The following ARHGEF28 variants were observed in gnomAD, a reference collection of about 807,000 sequenced individuals.
ARHGEF28 encodes 190 kDa guanine nucleotide exchange factor.
Under a neutral mutation model 206.6 loss-of-function variants are expected in ARHGEF28, and 152 were observed. That is an observed-to-expected ratio of 0.74 (90% CI 0.64 to 0.84). The LOEUF (loss-of-function observed/expected upper bound fraction) is 0.84. ARHGEF28 is among the 40% of genes least tolerant of loss of function. The pLI is 0.00. For synonymous variants in ARHGEF28, 763 were observed against 776.4 expected (o/e 0.98, Z 0.29); for missense variants, 2,028 against 2,073.2 (o/e 0.98, Z 0.42).
At chr5:73,741,385 GTATATATATATATATATATA>G (rs67973637) in intron 2 of ARHGEF28, among the ~76,000 whole-genome samples, 219 of 21,768 alleles carry the variant, frequency 0.01, 3 homozygotes, top group East Asian at 0.018. Context: ...GTGTGTGTGT[GTATATATATATATATATATA>G]TATATATATA....
Position 73,641,264 on chromosome 5 carries a change from C to T in ARHGEF28, c.-12+14942C>T, listed in dbSNP as rs559986041. ...TATTGGTTTAAATGGTTTGTAAATG[C>T]TTGCCTTCCTCTTCCATGAGGAAAG... On this transcript the variant is annotated intron_variant, in intron 1 of 35. Transcript: ENST00000513042. Among the ~76,000 whole-genome samples, 39 of 152,302 alleles carry T rather than the reference C, an allele frequency of 2.6e-4. No homozygotes were observed. The Middle Eastern group carries it at 0.014, about 53-fold the overall frequency.
intron 10 of ARHGEF28, among the ~76,000 whole-genome samples, 164 bp downstream of exon 10, chr5:73,832,623 CT>C (rs1757366861): frequency 6.6e-6 from 1 of 152,158 alleles, no homozygotes; most frequent in African/African-American, 2.4e-5. Flanking sequence ...AAGCATTTAA[CT>C]TAGGTGCTTA....
intron 9 of ARHGEF28, among the ~76,000 whole-genome samples, chr5:73,830,384 T>A (rs2112556633): frequency 6.6e-6 from 1 of 151,936 alleles, no homozygotes; most frequent in East Asian, 1.9e-4. Flanking sequence ...AAACCCCGTC[T>A]CTACTGAAAA....
intron 16 of ARHGEF28, among the ~76,000 whole-genome samples, chr5:73,862,192 A>G (rs374057882): frequency 6.6e-6 from 1 of 152,162 alleles, no homozygotes; most frequent in Non-Finnish European, 1.5e-5. Flanking sequence ...TTGATGTTAC[A>G]TTATCTGTTA....
At chr5:73,844,805 A>G (rs1758213534) in intron 11 of ARHGEF28, among the ~76,000 whole-genome samples, 1 of 150,234 alleles carries the variant, frequency 6.7e-6, no homozygotes, top group Non-Finnish European at 1.5e-5. Flanking sequence ...CACATTTGAA[A>G]TGCTTCGTGC....
intron 26 of ARHGEF28, among the ~76,000 whole-genome samples, chr5:73,890,262 C>T (rs1761545639): frequency 6.6e-6 from 1 of 152,216 alleles, no homozygotes. Flanking sequence ...TGCCACCTCC[C>T]CTCCCCTGCA....
intron 24 of ARHGEF28, among the ~76,000 whole-genome samples, chr5:73,885,449 G>A (rs891691653): frequency 1.3e-5 from 2 of 151,332 alleles, no homozygotes; most frequent in Admixed American, 6.6e-5. Flanking sequence ...TGGGGGGGTG[G>A]TACAGAGTGG....
At chr5:73,668,062 C>T (rs540119010) in intron 1 of ARHGEF28, among the ~76,000 whole-genome samples, 3 of 152,296 alleles carry the variant, frequency 2.0e-5, no homozygotes, top group South Asian at 4.1e-4. Context: ...GATTTATGCT[C>T]TCCATACGGC....
chr5:73,931,728 T>C (rs1354859517), intron 35 of ARHGEF28, among the ~76,000 whole-genome samples: 3 of 152,214 alleles, frequency 2.0e-5, no homozygotes, highest in African/African-American at 7.2e-5. Flanking sequence ...ATAGTAACTA[T>C]GGTTTTTGGA....
At chr5:73,741,208 G>A (rs1230162748) in intron 2 of ARHGEF28, among the ~76,000 whole-genome samples, 1 of 151,662 alleles carries the variant, frequency 6.6e-6, no homozygotes, top group Non-Finnish European at 1.5e-5. Flanking sequence ...GAGGAATCTG[G>A]AGTCATTTGC....
In ARHGEF28 at chr5:73,772,584, C is replaced by T. The variant is rs577426316; in HGVS notation, c.476-1271C>T. 3.5e-4 allele frequency among the ~76,000 whole-genome samples: 53 copies of T among 152,132 alleles called. 1 individual carries two copies. Among genetic ancestry groups the T allele is most frequent in the African/African-American group, 1.2e-3 (48 of 41,528 alleles). On this transcript the variant is annotated intron_variant, in intron 4 of 35. Transcript: ENST00000513042. ...TGTGGACAGTGGGTTTTACCACATT[C>T]ACCAGGCTGGTCTTGAGCTCCTGGG...
At position 73,849,049 on chromosome 5, in the gene ARHGEF28, G is replaced by A. The variant is rs559115158; in HGVS notation, c.1709G>A (p.Arg570His). ...CCCAAAATTTCTTTAGGAAAAACTC[G>A]TTTGGTGCGTGAATTAACAGTATGC... ...SSPKISLGKT[R>H]LVRELTVCSS... is the part of the protein sequence containing the mutation. The change falls in exon 13 of 36, where the codon CGT (arginine) becomes CAT (histidine). Residue 570 changes from arginine (R) to histidine (H), a missense_variant. Arg to His is a conservative substitution (Grantham distance 29). Coordinates refer to ENST00000513042, the MANE Select transcript of ARHGEF28 (RefSeq NM_001177693.2). The A allele has an allele frequency of 1.5e-5, 24 of 1,574,844 alleles. No homozygotes were observed. The highest frequency in any genetic ancestry group is 1.1e-4 in the South Asian group (9 of 85,694).
Position 73,794,454 on chromosome 5 carries a change from G to T in ARHGEF28, c.963G>T (p.Lys321Asn). The T allele has an allele frequency of 6.3e-7, 1 of 1,594,550 alleles. No individual in the cohort carries two copies. The highest frequency in any genetic ancestry group is 1.1e-5 in the South Asian group (1 of 87,986). Residue 321 changes from lysine to asparagine, a missense_variant and splice_region_variant, in exon 8 of 36, where the codon AAG becomes AAT. This residue lies in a region of ARHGEF28 where 1,002 missense variants were observed against 1,015.3 expected (regional missense o/e 0.99). Transcript: ENST00000513042. ...SRSAAEKEDI[K>N]RVKSLVVQHN... ...CAGCAGCTGAAAAGGAAGATATAAA[G>T]GTAATGAATGACTCCCTGCTTCTTT...
chr5:73,931,267 A>C (rs549564030), intron 35 of ARHGEF28, among the ~76,000 whole-genome samples: 1 of 152,232 alleles, frequency 6.6e-6, no homozygotes, highest in African/African-American at 2.4e-5. Context: ...CTTTCTGGAT[A>C]ATTTTAGAAT....
intron 9 of ARHGEF28, among the ~76,000 whole-genome samples, chr5:73,807,109 G>A (rs1451337278): frequency 1.4e-5 from 2 of 147,848 alleles, no homozygotes; most frequent in East Asian, 2.0e-4. Context: ...CCTGAAGTCC[G>A]TGGGTTCTTC....
At chr5:73,814,575 T>A (rs1330990293) in intron 9 of ARHGEF28, among the ~76,000 whole-genome samples, 1 of 152,060 alleles carries the variant, frequency 6.6e-6, no homozygotes, top group Non-Finnish European at 1.5e-5. Flanking sequence ...CGCGTGTGCT[T>A]ATGTTTTCAA....
intron 2 of ARHGEF28, among the ~76,000 whole-genome samples, chr5:73,697,841 C>T (rs1339556035): frequency 6.6e-6 from 1 of 152,194 alleles, no homozygotes; most frequent in African/African-American, 2.4e-5. Context: ...GCCATTTCAT[C>T]AGAACCACAC....
intron 7 of ARHGEF28, among the ~76,000 whole-genome samples, chr5:73,792,743 A>G (rs112897112): frequency 1.3e-5 from 2 of 149,782 alleles, no homozygotes; most frequent in African/African-American, 2.5e-5. Flanking sequence ...CCAAATCCCT[A>G]CTGTACACTT....
At chr5:73,919,230 C>T (rs1482215845) in intron 35 of ARHGEF28, among the ~76,000 whole-genome samples, 1 of 152,088 alleles carries the variant, frequency 6.6e-6, no homozygotes, top group Non-Finnish European at 1.5e-5. Flanking sequence ...GTTTCCTAAA[C>T]GTTGTTAGAA....
Sources: allele counts gnomAD v4.1 joint callset (sites outside exome capture counted in the v4.1 genomes callset), GRCh38; gene constraint gnomAD v4.1.1; regional missense constraint gnomAD v4.1.1; transcripts MANE v1.5; gene names NCBI Gene and HGNC (gene_info 2026-07-23, HGNC 2026-07-21).